Variants in PI4K2B observed in about 807,000 individuals in gnomAD.
PI4K2B encodes the protein phosphatidylinositol 4-kinase type 2-beta.
A neutral mutation model predicts 56.6 loss-of-function variants in PI4K2B; 46 were observed. The ratio of observed to expected loss-of-function variants is 0.81; its 90% CI spans 0.64 to 1.04. The LOEUF is 1.04. PI4K2B is among the 50% of genes least tolerant of loss of function. PI4K2B has a pLI of 0.00. For synonymous variants in PI4K2B, 211 were observed against 223.8 expected (o/e 0.94, Z 0.51); for missense variants, 556 against 607.7 (o/e 0.91, Z 0.89).
intron 1 of PI4K2B, among the ~76,000 whole-genome samples, chr4:25,242,871 A>G (rs1465078999): frequency 6.6e-6 from 1 of 152,206 alleles, no homozygotes; most frequent in African/African-American, 2.4e-5. Flanking sequence ...GGGGACAACA[A>G]ATGGGTAACT....
At chr4:25,258,352 C>T (rs1226153816) in intron 4 of PI4K2B, 2 of 151,124 alleles carry the variant, frequency 1.3e-5, no homozygotes, top group African/African-American at 4.9e-5. Flanking sequence ...GGACTACAGG[C>T]ATGTGCCACC....
At chr4:25,239,395 G>A (rs1019305811) in intron 1 of PI4K2B, among the ~76,000 whole-genome samples, 2 of 152,232 alleles carry the variant, frequency 1.3e-5, no homozygotes, top group Non-Finnish European at 2.9e-5. Flanking sequence ...CTACGGGGAG[G>A]CAGCTAAGGC....
chr4:25,256,743 G>A (rs1560374344), intron 4 of PI4K2B, 69 bp downstream of exon 4: 4 of 1,408,376 alleles, frequency 2.8e-6, no homozygotes, highest in East Asian at 4.6e-5. Flanking sequence ...TAGGAGCCAG[G>A]CATTGTGCTA....
At chr4:25,267,822 T>A in intron 7 of PI4K2B, 1 of 974,294 alleles carries the variant, frequency 1.0e-6, no homozygotes, top group South Asian at 4.7e-5. Context: ...GACTCACCCA[T>A]TTACCTCCTA....
intron 9 of PI4K2B, 21 bp from the exon 10 acceptor site, chr4:25,276,993 A>C (rs1256715114): frequency 6.7e-7 from 1 of 1,496,178 alleles, no homozygotes; most frequent in African/African-American, 1.4e-5. Flanking sequence ...AAATTGGTAA[A>C]AATCTCTCTT....
In PI4K2B at chr4:25,255,146, G is replaced by A. The variant is rs946487002; in HGVS notation, c.505G>A (p.Val169Ile). The A allele has an allele frequency of 1.2e-6, 2 of 1,613,898 alleles. No homozygotes were observed. The highest frequency in any genetic ancestry group is 2.7e-5 in the African/African-American group (2 of 74,892). The change falls in exon 3 of 10, where the codon GTC becomes ATC. Residue 169 changes from valine to isoleucine, a missense_variant. Physicochemically the swap from Val to Ile is conservative, Grantham distance 29. Transcript: ENST00000264864. ...AAAATGGACCAAATATGTCCATAAG[G>A]TCTGCTGCCCTTGCTGCTTTGGCCG... is the stretch of plus-strand genomic sequence containing the variant. ...NPKWTKYVHK[V>I]CCPCCFGRGC...
At position 25,265,151 on chromosome 4, in the gene PI4K2B, C is replaced by T. The variant is rs991720516; in HGVS notation, c.1078+1302C>T. Among the ~76,000 whole-genome samples the T allele has an allele frequency of 5.5e-5, 7 of 128,250 alleles. No individual in the cohort carries two copies. The East Asian group carries it at 9.2e-4, about 17-fold the overall frequency. 84.1% of individuals were successfully genotyped at this position (128,250 alleles called of 152,430 possible). A position where few individuals can be genotyped will look rare whatever the true frequency, so the allele number is the denominator to read the frequency against. ...CAGAGGATGCTGTGAGCCGAGATCG[C>T]GCCATTGCACTCCAGCCTGGGCAAC... On this transcript the variant is annotated intron_variant, in intron 7 of 9. Coordinates refer to ENST00000264864, the MANE Select transcript of PI4K2B (RefSeq NM_018323.4).
chr4:25,253,422 A>C lies in PI4K2B; in HGVS notation c.423+947A>C, dbSNP rs79063662. Reference sequence around the variant, plus strand: ...CCAGGGGAATAACGTTTATAATTTCACCCAATTTTTTTGGCAAAGATAGAA... The same window carrying C: ...CCAGGGGAATAACGTTTATAATTTCCCCCAATTTTTTTGGCAAAGATAGAA... On this transcript the variant is annotated intron_variant, in intron 2 of 9. Transcript: ENST00000264864. Among the ~76,000 whole-genome samples, 161 of 152,292 alleles carry C rather than the reference A, an allele frequency of 1.1e-3. 6 individuals are homozygous for C. The East Asian group carries it at 0.028, about 26-fold the overall frequency.
intron 7 of PI4K2B, 98 bp from the exon 8 acceptor site, chr4:25,268,345 T>TG: frequency 1.0e-6 from 1 of 958,768 alleles, no homozygotes; most frequent in Non-Finnish European, 1.6e-6. Context: ...TGTCCTTTTT[T>TG]GGGGAGAACC....
rs546840619 is a variant in PI4K2B, at chr4:25,273,958, G to A, written c.1273-3056G>A. 3.9e-4 allele frequency among the ~76,000 whole-genome samples: 60 copies of A among 152,078 alleles called. 1 individual carries two copies. The highest frequency in any genetic ancestry group is 1.4e-3 in the African/African-American group (59 of 41,492). On this transcript the variant is annotated intron_variant, in intron 9 of 9. Transcript: ENST00000264864. The stretch of plus-strand genomic sequence containing the variant: ...TCCCCTTTCCCAGTGGTGCTCTTGC[G>A]CACGCGATTCTTTCCCCTCGATGCC...
intron 7 of PI4K2B, chr4:25,267,697 C>G: frequency 3.7e-6 from 3 of 813,172 alleles, no homozygotes; most frequent in Non-Finnish European, 4.5e-6. Flanking sequence ...TGCACCCTCT[C>G]TAGAAGATTA....
chr4:25,239,044 A>G (rs942813588), intron 1 of PI4K2B, among the ~76,000 whole-genome samples: 250 of 152,294 alleles, frequency 1.6e-3, no homozygotes, highest in Non-Finnish European at 2.2e-3. Flanking sequence ...TAGATTAGCT[A>G]GATACAGAGC....
intron 7 of PI4K2B, chr4:25,267,649 C>A: frequency 3.2e-6 from 1 of 316,018 alleles, no homozygotes. Context: ...TGTGGATGAT[C>A]ATGTCAAAAA....
At chr4:25,242,087 G>T (rs560226634) in intron 1 of PI4K2B, among the ~76,000 whole-genome samples, 234 of 152,332 alleles carry the variant, frequency 1.5e-3, no homozygotes, top group Non-Finnish European at 1.9e-3. Context: ...GCCAGTATAG[G>T]CTGTATTCGT....
At chr4:25,244,308 T>A (rs61547641) in intron 1 of PI4K2B, among the ~76,000 whole-genome samples, 2,778 of 152,174 alleles carry the variant, frequency 0.018, 99 homozygotes, top group African/African-American at 0.062. Flanking sequence ...GGATTATCAT[T>A]AATAGGAAGG....
chr4:25,254,417 CTTT>C (rs34849255), intron 2 of PI4K2B: 894 of 613,256 alleles, frequency 1.5e-3, no homozygotes, highest in Middle Eastern at 2.5e-3. Context: ...AAAGTCTTTC[CTTT>C]TTTTTTTTTT....
chr4:25,241,066 G>A (rs983886314), intron 1 of PI4K2B, among the ~76,000 whole-genome samples: 1 of 152,182 alleles, frequency 6.6e-6, no homozygotes, highest in Non-Finnish European at 1.5e-5. Flanking sequence ...TTTTTGCACT[G>A]CATGCAATAA....
intron 6 of PI4K2B, among the ~76,000 whole-genome samples, chr4:25,260,968 A>G (rs1716454956): frequency 6.6e-6 from 1 of 151,014 alleles, no homozygotes; most frequent in Non-Finnish European, 1.5e-5. Context: ...TTGGCCTCCC[A>G]AAGTGCTGGG....
rs116602870 is a variant in PI4K2B, at chr4:25,240,933, C to A, written c.268+6502C>A. ...TCTTCCTCTCTGTCTCTTTCTTTGA[C>A]TTCCTGTCTCTTTCCTTCCTACTGG... On this transcript the variant is annotated intron_variant, in intron 1 of 9. Transcript: ENST00000264864. Among the ~76,000 whole-genome samples, 8 of 152,212 alleles carry A rather than the reference C, an allele frequency of 5.3e-5. No homozygotes were observed. In the East Asian group the frequency reaches 1.5e-3, roughly 29 times the overall value.
Sources: gnomAD v4.1 joint callset for allele counts (sites outside exome capture counted in the v4.1 genomes callset) on GRCh38, gnomAD v4.1.1 for gene constraint, MANE v1.5 for transcripts, NCBI Gene and HGNC (gene_info 2026-07-23, HGNC 2026-07-21) for gene names.